Variants in METTL15 observed in about 807,000 individuals in gnomAD.
METTL15 encodes the protein 12S rRNA N(4)-cytidine methyltransferase METTL15.
METTL15 carries 34 observed loss-of-function variants against 38.3 expected under a neutral mutation model. That is an observed-to-expected ratio of 0.89 (90% CI 0.68 to 1.18). METTL15 has a LOEUF of 1.18. METTL15 is among the 50% of genes most tolerant of loss of function. The probability of loss-of-function intolerance (pLI) is 0.00; values close to 1 mark genes in which losing one functional copy is unlikely to be tolerated. For synonymous variants in METTL15, 162 were observed against 170.9 expected (o/e 0.95, Z 0.41); for missense variants, 438 against 498.4 (o/e 0.88, Z 1.15).
At chr11:28,301,330 A>T (rs182636849) in intron 6 of METTL15, among the ~76,000 whole-genome samples, 1 of 152,226 alleles carries the variant, frequency 6.6e-6, no homozygotes, top group African/African-American at 2.4e-5. Context: ...TTTAGAGCTC[A>T]GTTGAAATGC....
chr11:28,499,841 A>G (rs1851567963), intron 6 of METTL15, among the ~76,000 whole-genome samples: 1 of 152,194 alleles, frequency 6.6e-6, no homozygotes, highest in Non-Finnish European at 1.5e-5. Flanking sequence ...CAACAGTCAT[A>G]AGAAAAAATA....
chr11:28,239,505 C>G (rs928709182), intron 4 of METTL15, among the ~76,000 whole-genome samples: 3 of 152,180 alleles, frequency 2.0e-5, no homozygotes, highest in Admixed American at 6.5e-5. Flanking sequence ...TGTGTTTTGA[C>G]TTGTCTTCCA....
At chr11:28,456,616 A>T (rs1348674016) in intron 6 of METTL15, among the ~76,000 whole-genome samples, 1 of 151,380 alleles carries the variant, frequency 6.6e-6, no homozygotes, top group East Asian at 2.0e-4. Flanking sequence ...AATTTTTGTA[A>T]TTTTTAATAG....
chr11:28,372,817 T>G (rs1850260339), intron 5 of METTL15, among the ~76,000 whole-genome samples: 1 of 128,976 alleles, frequency 7.8e-6, no homozygotes, highest in Non-Finnish European at 1.6e-5. Flanking sequence ...CCCCTTCCTG[T>G]GTCCATGTGA....
At chr11:28,399,226 T>G (rs890117140) in intron 5 of METTL15, 3 of 152,070 alleles carry the variant, frequency 2.0e-5, no homozygotes, top group African/African-American at 7.2e-5. Flanking sequence ...TAAATGGTGT[T>G]GGGAAAACTG....
rs150235421 is a variant in METTL15, at chr11:28,287,156, ATGTGTGTGTGTGTGTGTG to A, written c.408-3026_408-3009del. On this transcript the variant is annotated intron_variant, in intron 4 of 6. Coordinates refer to ENST00000407364, the MANE Select transcript of METTL15 (RefSeq NM_001113528.2). Reference sequence around the variant, plus strand: ...GTATATATATAGAGAGAGAGAGACAATGTGTGTGTGTGTGTGTGTGTGTGTGTGTGTGTGTGTGTGTTC... The same window carrying A: ...GTATATATATAGAGAGAGAGAGACAATGTGTGTGTGTGTGTGTGTGTGTTC... 17 of 140,634 alleles carry A rather than the reference ATGTGTGTGTGTGTGTGTG, an allele frequency of 1.2e-4. 1 individual carries two copies. The South Asian group carries it at 3.2e-3, about 27-fold the overall frequency. The allele number at this position is 140,634 out of a possible 1,614,324, so 8.7% of individuals were successfully genotyped here.
chr11:28,464,521 C>G (rs978865220), intron 6 of METTL15, among the ~76,000 whole-genome samples: 1 of 152,168 alleles, frequency 6.6e-6, no homozygotes, highest in African/African-American at 2.4e-5. Context: ...TTACCATCTC[C>G]AATCTAGAAA....
At chr11:28,240,259 C>T (rs76357586) in intron 4 of METTL15, among the ~76,000 whole-genome samples, 1 of 152,102 alleles carries the variant, frequency 6.6e-6, no homozygotes, top group Non-Finnish European at 1.5e-5. Context: ...ATGTAAAGAT[C>T]AGCTATACTT....
intron 5 of METTL15, among the ~76,000 whole-genome samples, chr11:28,366,548 G>A (rs918651873): frequency 2.2e-4 from 33 of 152,266 alleles, no homozygotes; most frequent in African/African-American, 7.5e-4. Flanking sequence ...GATTCATGAA[G>A]CAGTGAGTCC....
Position 28,122,333 on chromosome 11 carries a change from A to ATATGTG in METTL15, c.270+8730_270+8731insATGTGT, listed in dbSNP as rs368603716. 2.5e-3 allele frequency among the ~76,000 whole-genome samples: 278 copies of ATATGTG among 112,054 alleles called. 3 individuals carry two copies. Among genetic ancestry groups the ATATGTG allele is most frequent in the East Asian group, 0.018 (64 of 3,656 alleles). 73.5% of individuals were successfully genotyped at this position (112,054 alleles called of 152,430 possible). On this transcript the variant is annotated intron_variant, in intron 3 of 6. Coordinates refer to ENST00000407364, the MANE Select transcript of METTL15 (RefSeq NM_001113528.2). ...AATCCTAGTATATAGATGTGTGTAT[A>ATATGTG]TGTGTGTGTGTGTGTGTGTGTGTGT... is the stretch of plus-strand genomic sequence containing the variant.
At chr11:28,335,777 C>T (rs1247676419), downstream of METTL15, among the ~76,000 whole-genome samples, 1 of 152,112 alleles carries the variant, frequency 6.6e-6, no homozygotes, top group Admixed American at 6.6e-5. Context: ...CCTTTGCCTT[C>T]GACCATAAGA....
intron 4 of METTL15, among the ~76,000 whole-genome samples, chr11:28,219,043 G>A (rs998781607): frequency 7.9e-5 from 12 of 152,204 alleles, no homozygotes; most frequent in African/African-American, 1.2e-4. Context: ...GTCTCTGCCC[G>A]GCTTTGGTAT....
intron 3 of METTL15, among the ~76,000 whole-genome samples, chr11:28,180,529 G>A (rs1030720628): frequency 6.6e-6 from 1 of 151,754 alleles, no homozygotes; most frequent in Non-Finnish European, 1.5e-5. Flanking sequence ...GAACTAAGAA[G>A]GGCCTGAAAC....
At chr11:28,319,742 A>G (rs1276576937) in intron 6 of METTL15, among the ~76,000 whole-genome samples, 4 of 152,206 alleles carry the variant, frequency 2.6e-5, no homozygotes, top group South Asian at 2.1e-4. Flanking sequence ...AAATTAAAAC[A>G]GTTTCTTATC....
intron 3 of METTL15, among the ~76,000 whole-genome samples, chr11:28,194,161 T>TTTCTTTCTTTCTTTCC (rs1471981420): frequency 1.0e-5 from 1 of 99,690 alleles, no homozygotes; most frequent in Non-Finnish European, 1.9e-5. Context: ...TCTTTCTTTC[T>TTTCTTTCTTTCTTTCC]TTCTTTCTTT....
intron 3 of METTL15, among the ~76,000 whole-genome samples, chr11:28,340,632 A>C (rs376962873): frequency 7.2e-5 from 11 of 152,342 alleles, no homozygotes; most frequent in African/African-American, 2.6e-4. Flanking sequence ...ATACCATCTC[A>C]CGCCAGCTAG....
At chr11:28,526,802 A>G (rs1851815544) in exon 8 of METTL15, 2 of 152,256 alleles carry the variant, frequency 1.3e-5, no homozygotes, top group African/African-American at 4.8e-5. Context: ...GACTAATGCA[A>G]GCCCTGACAC....
intron 4 of METTL15, among the ~76,000 whole-genome samples, chr11:28,277,628 A>G (rs903890084): frequency 1.3e-5 from 2 of 151,886 alleles, no homozygotes; most frequent in Non-Finnish European, 2.9e-5. Context: ...AGCCTGGGAG[A>G]TGGAGGTTGC....
At chr11:28,371,248 T>C (rs1850240515) in intron 5 of METTL15, among the ~76,000 whole-genome samples, 2 of 152,116 alleles carry the variant, frequency 1.3e-5, no homozygotes, top group African/African-American at 4.8e-5. Flanking sequence ...TGCTTATGGT[T>C]ATCCAGTTTT....
Sources: allele counts gnomAD v4.1 joint callset (sites outside exome capture counted in the v4.1 genomes callset), GRCh38; gene constraint gnomAD v4.1.1; transcripts MANE v1.5; gene names NCBI Gene and HGNC (gene_info 2026-07-23, HGNC 2026-07-21).